SATB1: variants seen among roughly 807,000 people sequenced by gnomAD.
SATB1 encodes DNA-binding protein SATB1.
Under a neutral mutation model 86.9 loss-of-function variants are expected in SATB1, and 11 were observed. The ratio of observed to expected loss-of-function variants is 0.13; its 90% CI spans 0.08 to 0.21. The LOEUF (loss-of-function observed/expected upper bound fraction) is 0.21. SATB1 is among the 10% of genes least tolerant of loss of function. SATB1 has a pLI of 1.00. For synonymous variants in SATB1, 357 were observed against 357.2 expected (o/e 1.00, Z 0.01); for missense variants, 551 against 937.6 (o/e 0.59, Z 5.39).
Position 18,348,945 on chromosome 3 carries a change from C to T in SATB1, c.*225G>A. On this transcript the variant is annotated 3_prime_UTR_variant, in exon 11 of 11. Coordinates refer to ENST00000338745, the MANE Select transcript of SATB1 (RefSeq NM_002971.6). ...CGTGAACACAAATTTTAATACCAAA[C>T]AATCCTTGATGCTTCACCTGGGGCT... The T allele has an allele frequency of 1.5e-6, 1 of 648,472 alleles. No individual in the cohort carries two copies. Among genetic ancestry groups the T allele is most frequent in the East Asian group, 3.0e-5 (1 of 32,818 alleles). The allele number at this position is 648,472 out of a possible 1,614,324, so 40.2% of individuals were successfully genotyped here. A position where few individuals can be genotyped will look rare whatever the true frequency, so the allele number is the denominator to read the frequency against.
At chr3:18,357,210 A>AT in intron 9 of SATB1, among the ~76,000 whole-genome samples, 1 of 152,026 alleles carries the variant, frequency 6.6e-6, no homozygotes, top group South Asian at 2.1e-4. Flanking sequence ...GGCATACAGT[A>AT]TAATAATATA....
At chr3:18,399,181 C>T (rs185376392) in intron 5 of SATB1, among the ~76,000 whole-genome samples, 15 of 152,176 alleles carry the variant, frequency 9.9e-5, no homozygotes, top group Middle Eastern at 3.4e-3. Flanking sequence ...CAAATTTTGC[C>T]GAGGTTTTTG....
intron 5 of SATB1, among the ~76,000 whole-genome samples, chr3:18,405,701 T>C (rs1697497621): frequency 6.6e-6 from 1 of 151,906 alleles, no homozygotes; most frequent in Admixed American, 6.6e-5. Context: ...CTCCATGCAT[T>C]CCCAAAATTG....
At position 18,416,095 on chromosome 3, in the gene SATB1, A is replaced by G. The variant is rs2125160468; in HGVS notation, c.427T>C (p.Ser143Pro). ...GCATCAGGGGCATCTGTCACGTAAG[A>G]CAGTGGAACTGGATTCCACTTTCCA... is the stretch of plus-strand genomic sequence containing the variant. ...QVGKWNPVPL[S>P]YVTDAPDATV... is the part of the protein sequence containing the mutation. Residue 143 changes from serine to proline, a missense_variant, in exon 4 of 11, where the codon TCT (serine) becomes CCT (proline). This residue lies in a region of SATB1 where 153 missense variants were observed against 258.1 expected (regional missense o/e 0.59). Transcript: ENST00000338745. 1 of 1,610,964 alleles carries G rather than the reference A, an allele frequency of 6.2e-7. No individual in the cohort carries two copies. The highest frequency in any genetic ancestry group is 1.1e-5 in the South Asian group (1 of 90,786).
chr3:18,351,818 G>T, intron 10 of SATB1, 174 bp downstream of exon 10: 1 of 631,818 alleles, frequency 1.6e-6, no homozygotes, highest in South Asian at 2.0e-5. Flanking sequence ...ACATACGCTG[G>T]AAAAAGTATG....
At position 18,349,783 on chromosome 3, in the gene SATB1, C is replaced by G; in HGVS notation, c.1780-101G>C. On this transcript the variant is annotated intron_variant, in intron 10 of 10. Transcript: ENST00000338745. This position sits in a 1 kb window ranked among gnomAD's most constrained non-coding sequence, Gnocchi z 5.5. ...ATGTGGTCCCGGATCCTACATATAGCTTCTTTGATAGGGATGAAGATTTAG... is the reference window on the plus strand; with the variant it reads ...ATGTGGTCCCGGATCCTACATATAGGTTCTTTGATAGGGATGAAGATTTAG... 2 of 1,458,590 alleles carry G rather than the reference C, an allele frequency of 1.4e-6. No individual in the cohort carries two copies. Among genetic ancestry groups the G allele is most frequent in the African/African-American group, 2.8e-5 (2 of 70,304 alleles). 90.4% of individuals were successfully genotyped at this position (1,458,590 alleles called of 1,614,324 possible). A position where few individuals can be genotyped will look rare whatever the true frequency, so the allele number is the denominator to read the frequency against.
chr3:18,429,214 G>T (rs1698808228), upstream of SATB1, among the ~76,000 whole-genome samples: 1 of 152,150 alleles, frequency 6.6e-6, no homozygotes, highest in African/African-American at 2.4e-5. This position sits in a 1 kb window ranked among gnomAD's most constrained non-coding sequence, Gnocchi z 4.1. Flanking sequence ...ATGTTTTGCT[G>T]TCATGTGTCT....
intron 5 of SATB1, among the ~76,000 whole-genome samples, chr3:18,401,521 C>A (rs1375583725): frequency 6.6e-6 from 1 of 152,078 alleles, no homozygotes; most frequent in Non-Finnish European, 1.5e-5. Context: ...TTGAAAAAGA[C>A]ACAACTTGTA....
At chr3:18,433,880 T>C (rs1371807855) in intron 2 of SATB1, among the ~76,000 whole-genome samples, 1 of 152,086 alleles carries the variant, frequency 6.6e-6, no homozygotes. Flanking sequence ...AAAAAGTTGA[T>C]AAATAATGCC....
intron 9 of SATB1, among the ~76,000 whole-genome samples, chr3:18,372,639 G>GC (rs1695531694): frequency 6.6e-6 from 1 of 151,972 alleles, no homozygotes; most frequent in Non-Finnish European, 1.5e-5. Context: ...TTTTTAGGAG[G>GC]CAAGAATCTC....
intron 5 of SATB1, among the ~76,000 whole-genome samples, chr3:18,405,727 G>T (rs1025945300): frequency 2.6e-4 from 40 of 152,032 alleles, no homozygotes; most frequent in African/African-American, 9.4e-4. Context: ...TAATTTCAGG[G>T]TCTGCACAGA....
At chr3:18,434,756 T>C (rs903964155) in intron 2 of SATB1, among the ~76,000 whole-genome samples, 4 of 151,928 alleles carry the variant, frequency 2.6e-5, no homozygotes, top group Non-Finnish European at 5.9e-5. Flanking sequence ...CTTTCTTCAA[T>C]TAAAAAAATT....
chr3:18,444,619 G>A lies in SATB1; in HGVS notation c.-25+899C>T, dbSNP rs1699331940. 5.1e-6 allele frequency: 5 copies of A among 985,538 alleles called. No homozygotes were observed. The highest frequency in any genetic ancestry group is 6.0e-6 in the Non-Finnish European group (5 of 830,066). 61.0% of individuals were successfully genotyped at this position (985,538 alleles called of 1,614,324 possible). On this transcript the variant is annotated intron_variant, in intron 1 of 3. Coordinates refer to the SATB1 transcript ENST00000415069. The surrounding 1 kb of genome is among the most constrained non-coding windows in gnomAD (Gnocchi z 5.1). ...GAGCAGAACTCACTCAGGCATGGAC[G>A]TTGGGGGCGGCGGTGGCTGTCGAGT...
intron 10 of SATB1, 131 bp downstream of exon 10, chr3:18,351,861 G>A: frequency 1.3e-6 from 1 of 772,402 alleles, no homozygotes; most frequent in Non-Finnish European, 2.2e-6. Context: ...GAGCAAGATG[G>A]CAGTGTATTG....
At chr3:18,393,402 G>A (rs188920876) in intron 7 of SATB1, among the ~76,000 whole-genome samples, 5 of 152,038 alleles carry the variant, frequency 3.3e-5, no homozygotes, top group Admixed American at 2.6e-4. Flanking sequence ...TATATATCAC[G>A]TATCATACTA....
chr3:18,394,794 T>C lies in SATB1; in HGVS notation c.874A>G (p.Ser292Gly), dbSNP rs139364302. The change falls in exon 7 of 11, where the codon AGC (serine) becomes GGC (glycine). Residue 292 changes from serine to glycine, a missense_variant. By Grantham distance (56) the Ser-to-Gly change is moderately conservative (BLOSUM62 0). This residue lies in a region of SATB1 where 119 missense variants were observed against 171.1 expected (regional missense o/e 0.70). Coordinates refer to ENST00000338745, the MANE Select transcript of SATB1 (RefSeq NM_002971.6). The surrounding 1 kb of genome is among the most constrained non-coding windows in gnomAD (Gnocchi z 5.9). Reference protein sequence around the residue: ...PPSPAQLSHGSQPSVRTPLPN... With the variant: ...PPSPAQLSHGGQPSVRTPLPN... ...AGAGGTGTCCGGACAGAGGGCTGGC[T>C]GCCATGGGAGAGCTGCGCAGGGGAT... 8.3e-4 allele frequency: 1,334 copies of C among 1,614,098 alleles called. 17 individuals are homozygous for C. In the African/African-American group the frequency reaches 0.016, roughly 19 times the overall value.
intron 7 of SATB1, among the ~76,000 whole-genome samples, chr3:18,390,419 C>T (rs993401580): frequency 6.6e-6 from 1 of 152,192 alleles, no homozygotes; most frequent in African/African-American, 2.4e-5. Flanking sequence ...CCACCTACTA[C>T]CATGGATTCA....
chr3:18,425,870 T>C (rs1211045149), upstream of SATB1, among the ~76,000 whole-genome samples: 5 of 29,350 alleles, frequency 1.7e-4, no homozygotes, highest in African/African-American at 3.2e-4. Flanking sequence ...GGAAGGAAAA[T>C]GACGGGGAGG....
chr3:18,419,317 C>T (rs1168453095), intron 2 of SATB1, among the ~76,000 whole-genome samples: 2 of 152,164 alleles, frequency 1.3e-5, no homozygotes, highest in African/African-American at 4.8e-5. Flanking sequence ...AACTTCATAA[C>T]CTTCCAGCAT....
Sources: allele counts gnomAD v4.1 joint callset (sites outside exome capture counted in the v4.1 genomes callset), GRCh38; gene constraint gnomAD v4.1.1; regional missense constraint gnomAD v4.1.1; non-coding constraint Gnocchi (gnomAD v3.1); transcripts MANE v1.5; gene names NCBI Gene and HGNC (gene_info 2026-07-23, HGNC 2026-07-21).